L3MBTL4: variants seen among roughly 807,000 people sequenced by gnomAD.
L3MBTL4 encodes lethal(3)malignant brain tumor-like protein 4.
L3MBTL4 carries 70 observed loss-of-function variants against 84.5 expected under a neutral mutation model. That is an observed-to-expected ratio of 0.83 (90% confidence interval 0.68 to 1.01). L3MBTL4 has a LOEUF of 1.01. L3MBTL4 is among the 50% of genes least tolerant of loss of function. L3MBTL4 has a pLI of 0.00. For synonymous variants in L3MBTL4, 274 were observed against 259.8 expected (o/e 1.05, Z -0.52); for missense variants, 715 against 754.8 (o/e 0.95, Z 0.62).
At chr18:6,046,766 A>C (rs538727577) in intron 16 of L3MBTL4, 1 of 776,222 alleles carries the variant, frequency 1.3e-6, no homozygotes, top group East Asian at 2.4e-5. Context: ...TGTGAAGAGA[A>C]AAGTTTATGA....
intron 13 of L3MBTL4, among the ~76,000 whole-genome samples, chr18:6,140,216 T>C (rs1368861485): frequency 1.3e-5 from 2 of 152,128 alleles, no homozygotes; most frequent in East Asian, 1.9e-4. Flanking sequence ...TAATTTCCCT[T>C]CTTCTCTTCC....
chr18:6,300,625 T>G (rs962725695), intron 4 of L3MBTL4, among the ~76,000 whole-genome samples: 1 of 152,050 alleles, frequency 6.6e-6, no homozygotes, highest in Non-Finnish European at 1.5e-5. Context: ...TTTGAAGGAC[T>G]GAATATTTTT....
intron 1 of L3MBTL4, among the ~76,000 whole-genome samples, chr18:6,406,242 G>A (rs964011657): frequency 6.6e-6 from 1 of 152,204 alleles, no homozygotes; most frequent in Non-Finnish European, 1.5e-5. Context: ...ATAAATGTGG[G>A]CAAATTGGTC....
chr18:6,295,346 C>CTCTCTCTATATATA (rs1261475809), intron 4 of L3MBTL4, among the ~76,000 whole-genome samples: 5 of 81,386 alleles, frequency 6.1e-5, no homozygotes, highest in African/African-American at 2.6e-4. Flanking sequence ...CTCTCTCTCT[C>CTCTCTCTATATATA]TATATATATA....
chr18:6,005,496 C>T (rs2054433775), intron 16 of L3MBTL4, among the ~76,000 whole-genome samples: 1 of 152,184 alleles, frequency 6.6e-6, no homozygotes. Context: ...CTCCTATCTC[C>T]ACCCTTAAGT....
intron 16 of L3MBTL4, chr18:6,046,683 T>TA (rs762656332): frequency 6.8e-5 from 51 of 745,180 alleles, no homozygotes; most frequent in Middle Eastern, 2.3e-4. Flanking sequence ...AAGGCAGAAG[T>TA]AAAAAAAAGT....
intron 14 of L3MBTL4, among the ~76,000 whole-genome samples, chr18:6,118,717 G>C (rs1274850197): frequency 6.6e-6 from 1 of 152,080 alleles, no homozygotes; most frequent in African/African-American, 2.4e-5. Flanking sequence ...TACCTAGCTA[G>C]CTCTTCTACT....
At position 6,359,529 on chromosome 18, in the gene L3MBTL4, C is replaced by CT. The variant is rs1014650609; in HGVS notation, c.-90-47474dup. Among the ~76,000 whole-genome samples, 34 of 151,088 alleles carry CT rather than the reference C, an allele frequency of 2.3e-4. 1 individual carries two copies. Among genetic ancestry groups the CT allele is most frequent in the African/African-American group, 6.8e-4 (28 of 41,102 alleles). The stretch of plus-strand genomic sequence containing the variant: ...GGCTAAAATAAGTTTTCTCTAAACA[C>CT]TTTTTTTTTCATTTCAGCACAGATA... On this transcript the variant is annotated intron_variant, in intron 1 of 18. Coordinates refer to ENST00000317931, the MANE Select transcript of L3MBTL4 (RefSeq NM_001330559.2).
intron 12 of L3MBTL4, among the ~76,000 whole-genome samples, chr18:6,187,869 A>G (rs973385112): frequency 2.0e-5 from 3 of 148,986 alleles, no homozygotes; most frequent in Non-Finnish European, 4.5e-5. Flanking sequence ...TTGGTACCAA[A>G]AAAAAAAAAA....
At chr18:6,052,054 T>C (rs2056861583) in intron 16 of L3MBTL4, among the ~76,000 whole-genome samples, 1 of 152,190 alleles carries the variant, frequency 6.6e-6, no homozygotes, top group Admixed American at 6.5e-5. Context: ...CTAATACCAA[T>C]TGTTCAGTGA....
intron 12 of L3MBTL4, among the ~76,000 whole-genome samples, chr18:6,182,685 A>G (rs1475785753): frequency 6.6e-5 from 10 of 152,198 alleles, no homozygotes; most frequent in Admixed American, 5.9e-4. Context: ...TTCACATTTA[A>G]GTTTTTAATC....
At chr18:6,398,296 G>GACAGAAAAGGGAGAAGAGGTCAGAGT (rs2055360417) in intron 1 of L3MBTL4, among the ~76,000 whole-genome samples, 1 of 152,176 alleles carries the variant, frequency 6.6e-6, no homozygotes, top group Non-Finnish European at 1.5e-5. Context: ...GAGGTCAGAG[G>GACAGAAAAGGGAGAAGAGGTCAGAGT]ACAGAAAAGG....
chr18:6,178,519 C>A (rs1317064684), intron 12 of L3MBTL4, among the ~76,000 whole-genome samples: 1 of 152,174 alleles, frequency 6.6e-6, no homozygotes, highest in African/African-American at 2.4e-5. Flanking sequence ...AAAACCAAAT[C>A]ATCTCAACAT....
intron 4 of L3MBTL4, among the ~76,000 whole-genome samples, chr18:6,293,300 A>G (rs2049948710): frequency 6.6e-6 from 1 of 152,136 alleles, no homozygotes; most frequent in Non-Finnish European, 1.5e-5. Context: ...TAGAGAAATG[A>G]CTGATTCAAC....
At chr18:6,311,131 T>A in intron 3 of L3MBTL4, among the ~76,000 whole-genome samples, 1 of 152,016 alleles carries the variant, frequency 6.6e-6, no homozygotes, top group East Asian at 2.0e-4. Flanking sequence ...TCTCTCTCTC[T>A]CACCCTCTCT....
intron 1 of L3MBTL4, among the ~76,000 whole-genome samples, chr18:6,330,556 G>A (rs1009979505): frequency 6.6e-6 from 1 of 152,162 alleles, no homozygotes; most frequent in Non-Finnish European, 1.5e-5. Context: ...ACATGGGTCC[G>A]CCTGAATAAT....
At chr18:6,321,468 T>G (rs531111408) in intron 1 of L3MBTL4, among the ~76,000 whole-genome samples, 2 of 152,290 alleles carry the variant, frequency 1.3e-5, no homozygotes, top group South Asian at 4.1e-4. Flanking sequence ...CTTGTGGGAA[T>G]GTAAGTTAAT....
intron 16 of L3MBTL4, among the ~76,000 whole-genome samples, chr18:5,991,467 C>T (rs1015583653): frequency 2.0e-5 from 3 of 152,152 alleles, no homozygotes; most frequent in Non-Finnish European, 2.9e-5. Context: ...CTAAATGACT[C>T]CCATCAAGTC....
At chr18:5,993,390 G>C (rs904269973) in intron 16 of L3MBTL4, among the ~76,000 whole-genome samples, 2 of 152,194 alleles carry the variant, frequency 1.3e-5, no homozygotes, top group African/African-American at 4.8e-5. Context: ...CAAGCCACGG[G>C]TCTCTGCAAA....
Sources: gnomAD v4.1 joint callset for allele counts (sites outside exome capture counted in the v4.1 genomes callset) on GRCh38, gnomAD v4.1.1 for gene constraint, MANE v1.5 for transcripts, NCBI Gene and HGNC (gene_info 2026-07-23, HGNC 2026-07-21) for gene names.